The following CTBP2 variants were observed in gnomAD, a reference collection of about 807,000 sequenced individuals.
The protein encoded by CTBP2 is C-terminal binding protein 2.
In CTBP2, 30 loss-of-function variants were observed where a neutral mutation model predicts 80.3. The observed-to-expected ratio is 0.37, with a 90% CI of 0.28 to 0.51. The LOEUF (loss-of-function observed/expected upper bound fraction) is 0.51, where lower values mean the gene tolerates loss of function less well. Ranked by LOEUF, CTBP2 falls within the 20% of genes least tolerant of loss-of-function variation. CTBP2 has a pLI of 0.93. For missense variants in CTBP2, 1,212 were observed against 1,375.3 expected, an observed-to-expected ratio of 0.88 and a Z score of 1.88; for synonymous variants, 594 against 587.4, an observed-to-expected ratio of 1.01 and a Z score of -0.16.
chr10:125,110,256 T>A (rs574710767), intron 2 of CTBP2, among the ~76,000 whole-genome samples: 124 of 152,316 alleles, frequency 8.1e-4, no homozygotes, highest in Non-Finnish European at 1.1e-3. Flanking sequence ...CATTTTTTTT[T>A]AAAAAGCAAG....
intron 6 of CTBP2, among the ~76,000 whole-genome samples, chr10:124,993,554 G>A (rs1953014604): frequency 6.6e-6 from 1 of 152,178 alleles, no homozygotes; most frequent in Non-Finnish European, 1.5e-5. Context: ...CAATTCTATT[G>A]AAGGCTTGTC....
chr10:125,005,490 G>T, intron 1 of CTBP2: 1 of 1,515,454 alleles, frequency 6.6e-7, no homozygotes, highest in South Asian at 1.2e-5. Flanking sequence ...CAGGAAAACA[G>T]GGCAGGGGAG....
intron 1 of CTBP2, among the ~76,000 whole-genome samples, chr10:125,149,555 C>CG (rs1435100988): frequency 1.3e-5 from 2 of 152,066 alleles, no homozygotes; most frequent in Non-Finnish European, 2.9e-5. Flanking sequence ...AAGATGGAGG[C>CG]GGGGGGCACC....
At chr10:125,115,458 G>A (rs1348934089) in intron 1 of CTBP2, among the ~76,000 whole-genome samples, 3 of 152,204 alleles carry the variant, frequency 2.0e-5, no homozygotes, top group Non-Finnish European at 4.4e-5. Context: ...CCCAAGTTCC[G>A]CAGGCCAGCA....
intron 1 of CTBP2, among the ~76,000 whole-genome samples, chr10:125,112,844 G>A (rs551286981): frequency 6.6e-6 from 1 of 152,296 alleles, no homozygotes; most frequent in Non-Finnish European, 1.5e-5. Flanking sequence ...ATCCAATCCC[G>A]TGACAGGCAT....
chr10:125,151,266 C>G (rs960310593), intron 1 of CTBP2, among the ~76,000 whole-genome samples: 3 of 152,166 alleles, frequency 2.0e-5, no homozygotes, highest in Non-Finnish European at 4.4e-5. Context: ...TCCTACCACT[C>G]TGCGCTCGGA....
chr10:125,115,368 T>C (rs1037875403), intron 1 of CTBP2, among the ~76,000 whole-genome samples: 94 of 152,282 alleles, frequency 6.2e-4, no homozygotes, highest in African/African-American at 2.2e-3. Flanking sequence ...AAACCATCCC[T>C]TAGGCGATCA....
At chr10:125,119,937 G>A (rs1322592535) in intron 1 of CTBP2, among the ~76,000 whole-genome samples, 1 of 152,242 alleles carries the variant, frequency 6.6e-6, no homozygotes. Context: ...GCCCCATTTA[G>A]GATGTAAGTC....
chr10:125,133,773 T>C (rs1484719279), intron 1 of CTBP2, among the ~76,000 whole-genome samples: 2 of 152,214 alleles, frequency 1.3e-5, no homozygotes, highest in East Asian at 1.9e-4. Context: ...CAAAGTTGTA[T>C]TTACAAAGAG....
chr10:125,098,750 C>CAGAGAGAG lies in CTBP2; in HGVS notation c.-102+12232_-102+12239dup, dbSNP rs1265217140. ...AGAGAGAGAGAGAGAGAGAGAGAGA[C>CAGAGAGAG]AGAGAGAGAGAGAGAGAGAGAGAGA... On this transcript the variant is annotated intron_variant, in intron 2 of 10. Coordinates refer to the CTBP2 transcript ENST00000337195. Among the ~76,000 whole-genome samples the CAGAGAGAG allele has an allele frequency of 6.0e-3, 456 of 75,456 alleles. 46 individuals carry two copies. The highest frequency in any genetic ancestry group is 0.027 in the East Asian group (67 of 2,498). 49.5% of individuals were successfully genotyped at this position (75,456 alleles called of 152,430 possible). A position where few individuals can be genotyped will look rare whatever the true frequency, so the allele number is the denominator to read the frequency against.
intron 1 of CTBP2, among the ~76,000 whole-genome samples, chr10:125,133,157 G>A (rs1856445552): frequency 6.6e-6 from 1 of 152,216 alleles, no homozygotes; most frequent in African/African-American, 2.4e-5. Flanking sequence ...CATTCTAAGA[G>A]CATGTGTCTG....
chr10:125,063,317 G>T (rs915434665), intron 2 of CTBP2, among the ~76,000 whole-genome samples: 9 of 152,128 alleles, frequency 5.9e-5, no homozygotes, highest in Non-Finnish European at 1.3e-4. Flanking sequence ...GAAATACGGA[G>T]AATTTATTTC....
Position 125,065,465 on chromosome 10 carries a change from A to T in CTBP2, c.-101-26310T>A, listed in dbSNP as rs73377228. ...AAAGGGAAGGAAGAGCAAAGCCCGC[A>T]GGGGCTTTGGGGAAGGCGAGGTGGC... is the stretch of plus-strand genomic sequence containing the variant. On this transcript the variant is annotated intron_variant, in intron 2 of 10. Transcript: ENST00000337195. Among the ~76,000 whole-genome samples, 769 of 152,316 alleles carry T rather than the reference A, an allele frequency of 5.0e-3. 10 individuals are homozygous for T. Among genetic ancestry groups the T allele is most frequent in the African/African-American group, 0.018 (733 of 41,556 alleles).
chr10:125,021,296 C>T (rs958310024), intron 1 of CTBP2, among the ~76,000 whole-genome samples: 1 of 152,198 alleles, frequency 6.6e-6, no homozygotes, highest in Non-Finnish European at 1.5e-5. Flanking sequence ...GGTTCAAGAC[C>T]TACCCCCTTT....
chr10:125,159,278 C>T (rs1286909140), intron 1 of CTBP2, among the ~76,000 whole-genome samples: 8 of 149,810 alleles, frequency 5.3e-5, no homozygotes, highest in African/African-American at 1.9e-4. Context: ...CTTTTTGATT[C>T]GCCCCACCCG....
chr10:125,078,293 A>AC (rs1296628819), intron 2 of CTBP2, among the ~76,000 whole-genome samples: 2,767 of 150,660 alleles, frequency 0.018, 83 homozygotes, highest in African/African-American at 0.061. Context: ...AAAAAAAAAA[A>AC]AAAAAAACCT....
chr10:125,152,032 A>G (rs1298142964), intron 1 of CTBP2, among the ~76,000 whole-genome samples: 1 of 151,946 alleles, frequency 6.6e-6, no homozygotes, highest in Non-Finnish European at 1.5e-5. Flanking sequence ...CGGGGGTGTC[A>G]GATACCGCGG....
intron 1 of CTBP2, among the ~76,000 whole-genome samples, chr10:125,116,455 TCCC>T (rs946032837): frequency 6.6e-5 from 10 of 151,724 alleles, no homozygotes; most frequent in Non-Finnish European, 1.5e-4. Flanking sequence ...CTGCCCCTCC[TCCC>T]AACACTCTGG....
At chr10:125,047,797 T>C (rs1961645160) in intron 2 of CTBP2, among the ~76,000 whole-genome samples, 2 of 152,232 alleles carry the variant, frequency 1.3e-5, no homozygotes, top group African/African-American at 4.8e-5. Flanking sequence ...GGGGAAGATT[T>C]AATCCTCCTA....
Sources: allele counts gnomAD v4.1 joint callset (sites outside exome capture counted in the v4.1 genomes callset), GRCh38; gene constraint gnomAD v4.1.1; transcripts MANE v1.5; gene names NCBI Gene and HGNC (gene_info 2026-07-23, HGNC 2026-07-21).